Variants in ZAP70 observed in about 807,000 individuals in gnomAD.
ZAP70 encodes zeta chain of T cell receptor associated protein kinase 70, also known as tyrosine-protein kinase ZAP-70.
ZAP70 carries 27 observed loss-of-function variants against 65.8 expected under a neutral mutation model. That is an observed-to-expected ratio of 0.41 (90% CI 0.30 to 0.57). The LOEUF (loss-of-function observed/expected upper bound fraction) is 0.57. Ranked by LOEUF, ZAP70 falls within the 20% of genes least tolerant of loss-of-function variation. The pLI, the probability that ZAP70 is intolerant of heterozygous loss-of-function variation, is 0.28. For synonymous variants in ZAP70, 363 were observed against 360.8 expected, an observed-to-expected ratio of 1.01 and a Z score of -0.07; for missense variants, 696 against 870.5, an observed-to-expected ratio of 0.80 and a Z score of 2.52.
chr2:97,726,991 G>C (rs1219314025), intron 4 of ZAP70, among the ~76,000 whole-genome samples: 1 of 152,236 alleles, frequency 6.6e-6, no homozygotes, highest in Non-Finnish European at 1.5e-5. Context: ...GGCTGGGATG[G>C]CCACACTCAC....
chr2:97,740,138 G>A (rs1366635141), downstream of ZAP70, among the ~76,000 whole-genome samples: 1 of 152,060 alleles, frequency 6.6e-6, no homozygotes, highest in Non-Finnish European at 1.5e-5. Flanking sequence ...CCCATGCCAG[G>A]TGCACGTTAG....
intron 2 of ZAP70, among the ~76,000 whole-genome samples, chr2:97,717,952 G>C (rs1033787381): frequency 1.3e-5 from 2 of 152,214 alleles, no homozygotes; most frequent in African/African-American, 4.8e-5. Flanking sequence ...CAGGTGCCCC[G>C]TGGCTGCTCT....
rs1176202341 is a variant in ZAP70 at position 97,731,982 on chromosome 2, T to C, written c.564-901T>C. ...TTGTGCCAGTGACCCCAGACAAAAC[T>C]GTTGTGTGGGGGATGCTGACTGGTG... On this transcript the variant is annotated intron_variant, in intron 4 of 13. Transcript: ENST00000264972. The surrounding 1 kb of genome is among the most constrained non-coding windows in gnomAD (Gnocchi z 4.0). Among the ~76,000 whole-genome samples, 1 of 151,888 alleles carries C rather than the reference T, an allele frequency of 6.6e-6. No homozygotes were observed. Among genetic ancestry groups the C allele is most frequent in the Non-Finnish European group, 1.5e-5 (1 of 67,966 alleles).
At chr2:97,714,506 C>T (rs886976150) in intron 2 of ZAP70, among the ~76,000 whole-genome samples, 7 of 152,184 alleles carry the variant, frequency 4.6e-5, no homozygotes, top group Admixed American at 6.5e-5. Flanking sequence ...TGTGTGTTCT[C>T]GGCAAGTTGC....
chr2:97,737,747 C>T lies in ZAP70; in HGVS notation c.1483-10C>T, dbSNP rs777825759. 1.2e-6 allele frequency: 2 copies of T among 1,614,134 alleles called. No homozygotes were observed. Among genetic ancestry groups the T allele is most frequent in the Non-Finnish European group, 1.7e-6 (2 of 1,179,994 alleles). On this transcript the variant is annotated splice_polypyrimidine_tract_variant and intron_variant, in intron 11 of 13. Coordinates refer to ENST00000264972, the MANE Select transcript of ZAP70 (RefSeq NM_001079.4). The surrounding 1 kb of genome is among the most constrained non-coding windows in gnomAD (Gnocchi z 5.0). ...TGACCCCTGATCCAGCAGCATCTCC[C>T]CCTCCCCAGGCCCGCTCAGCAGGGA...
chr2:97,744,930 C>T, the ZAP70 span, among the ~76,000 whole-genome samples: 4 of 152,266 alleles, frequency 2.6e-5, no homozygotes, highest in Middle Eastern at 6.8e-3. Flanking sequence ...TTTTGGATTT[C>T]GCAGTGGATT....
intron 13 of ZAP70, 21 bp downstream of exon 13, chr2:97,738,128 G>C (rs1191536553): frequency 1.3e-6 from 2 of 1,573,032 alleles, no homozygotes; most frequent in South Asian, 1.2e-5. Context: ...GTGGGGAGGG[G>C]ACCCGGCTGG....
chr2:97,739,006 G>T (rs1678027964), intron 13 of ZAP70, among the ~76,000 whole-genome samples: 1 of 152,094 alleles, frequency 6.6e-6, no homozygotes. Flanking sequence ...CCAGCACACT[G>T]ATACCCTGGC....
At chr2:97,721,580 A>ATTTTTTTTTTGT in intron 2 of ZAP70, among the ~76,000 whole-genome samples, 1 of 81,164 alleles carries the variant, frequency 1.2e-5, no homozygotes. Context: ...TGGCTGGCTG[A>ATTTTTTTTTTGT]TTTTTTTTTT....
At chr2:97,747,208 G>A in the ZAP70 span, among the ~76,000 whole-genome samples, 5 of 152,168 alleles carry the variant, frequency 3.3e-5, no homozygotes, top group Non-Finnish European at 7.3e-5. Flanking sequence ...CCACTCCTGG[G>A]TAATACTCAA....
chr2:97,731,054 CAAAA>C lies in ZAP70; in HGVS notation c.564-1811_564-1808del, dbSNP rs56688476. 5.7e-5 allele frequency among the ~76,000 whole-genome samples: 3 copies of C among 52,390 alleles called. No individual in the cohort carries two copies. Among genetic ancestry groups the C allele is most frequent in the Admixed American group, 4.1e-4 (2 of 4,878 alleles). The allele number at this position is 52,390 out of a possible 152,430, so 34.4% of individuals were successfully genotyped here. A position where few individuals can be genotyped will look rare whatever the true frequency, so the allele number is the denominator to read the frequency against. ...CGGGCTGTGGAGCGAGACTCGGTCTCAAAAAAAAAAAAAAAAAAAAAGAGACAGA... is the reference window on the plus strand; with the variant it reads ...CGGGCTGTGGAGCGAGACTCGGTCTCAAAAAAAAAAAAAAAAAGAGACAGA... On this transcript the variant is annotated intron_variant, in intron 4 of 13. Coordinates refer to ENST00000264972, the MANE Select transcript of ZAP70 (RefSeq NM_001079.4). The surrounding 1 kb of genome is among the most constrained non-coding windows in gnomAD (Gnocchi z 4.0).
rs1677819900 is a variant in ZAP70 at position 97,735,254 on chromosome 2, C to G, written c.1087C>G (p.Gln363Glu). The G allele has an allele frequency of 1.9e-6, 3 of 1,613,850 alleles. No individual in the cohort carries two copies. The highest frequency in any genetic ancestry group is 2.5e-6 in the Non-Finnish European group (3 of 1,179,948). The part of the protein sequence containing the change: ...RQGVYRMRKK[Q>E]IDVAIKVLKQ... ...TCCCGTGGCCGGGTCGGGCAGGAAG[C>G]AGATCGACGTGGCCATCAAGGTGCT... The change falls in exon 10 of 14, where the codon CAG (glutamine) becomes GAG (glutamate). Residue 363 changes from glutamine (Q) to glutamate (E), a missense_variant. By Grantham distance (29) the Gln-to-Glu change is conservative. Around this residue, in one of 3 missense-constraint regions of ZAP70, gnomAD observed 551 missense variants for 630.0 expected, o/e 0.87. Transcript: ENST00000264972.
chr2:97,734,544 C>G lies in ZAP70; in HGVS notation c.914C>G (p.Pro305Arg), dbSNP rs762428344. 1 of 1,614,030 alleles carries G rather than the reference C, an allele frequency of 6.2e-7. No individual in the cohort carries two copies. Among genetic ancestry groups the G allele is most frequent in the East Asian group, 2.2e-5 (1 of 44,890 alleles). The change falls in exon 9 of 14, where the codon CCG becomes CGG. Residue 305 changes from proline to arginine, a missense_variant. Physicochemically the swap from Pro to Arg is moderately radical, Grantham distance 103. This residue lies in a region of ZAP70 where 551 missense variants were observed against 630.0 expected (regional missense o/e 0.87). Transcript: ENST00000264972. ...EPARITSPDKPRPMPMDTSVY... is the reference protein window; with the variant it reads ...EPARITSPDKRRPMPMDTSVY... ...GCACGCATAACGTCCCCAGACAAAC[C>G]GCGGCCGATGCCCATGGACACGAGC...
downstream of ZAP70, among the ~76,000 whole-genome samples, chr2:97,743,314 C>T (rs1297932811): frequency 2.0e-5 from 3 of 152,132 alleles, no homozygotes; most frequent in Non-Finnish European, 4.4e-5. Context: ...TTATATCTGC[C>T]TGCTTTTGTC....
In ZAP70 at chr2:97,739,677, C is replaced by A. The variant is rs1678066381; in HGVS notation, c.*179C>A. ...CTGCCTGGCCCCCTGTCCTCTCTGGCTGGGGAGCAGGGAGGTCCGGGAGGG... is the reference window on the plus strand; with the variant it reads ...CTGCCTGGCCCCCTGTCCTCTCTGGATGGGGAGCAGGGAGGTCCGGGAGGG... On this transcript the variant is annotated 3_prime_UTR_variant, in exon 14 of 14. Transcript: ENST00000264972. The A allele has an allele frequency of 4.8e-6, 5 of 1,050,232 alleles. No homozygotes were observed. Among genetic ancestry groups the A allele is most frequent in the Admixed American group, 2.4e-5 (1 of 40,824 alleles). 65.1% of individuals were successfully genotyped at this position (1,050,232 alleles called of 1,614,324 possible). A position where few individuals can be genotyped will look rare whatever the true frequency, so the allele number is the denominator to read the frequency against.
rs1049886137 is a variant in ZAP70 at position 97,737,032 on chromosome 2, C to T, written c.1290-441C>T. Among the ~76,000 whole-genome samples the T allele has an allele frequency of 4.6e-5, 7 of 151,940 alleles. No individual in the cohort carries two copies. Among genetic ancestry groups the T allele is most frequent in the Non-Finnish European group, 8.8e-5 (6 of 67,992 alleles). On this transcript the variant is annotated intron_variant, in intron 10 of 13. Coordinates refer to ENST00000264972, the MANE Select transcript of ZAP70 (RefSeq NM_001079.4). This position sits in a 1 kb window ranked among gnomAD's most constrained non-coding sequence, Gnocchi z 5.0. Reference sequence around the variant, plus strand: ...GTGGCAGAGGCAGAGATGAGGAGTGCGGTGGATTCTGGAGAGATTCTGACA... The same window carrying T: ...GTGGCAGAGGCAGAGATGAGGAGTGTGGTGGATTCTGGAGAGATTCTGACA...
rs1677616399 is a variant in ZAP70 at position 97,731,736 on chromosome 2, TAA to T, written c.564-1145_564-1144del. ...CTGAGAACAGTGCCTGGCCTGTCAG[TAA>T]AGACTTGTCCAGTGAATGAACATCC... On this transcript the variant is annotated intron_variant, in intron 4 of 13. Transcript: ENST00000264972. This position sits in a 1 kb window ranked among gnomAD's most constrained non-coding sequence, Gnocchi z 4.0. Among the ~76,000 whole-genome samples, 1 of 152,212 alleles carries T rather than the reference TAA, an allele frequency of 6.6e-6. No homozygotes were observed.
chr2:97,734,741 A>G, intron 9 of ZAP70, 29 bp downstream of exon 9: 1 of 1,611,234 alleles, frequency 6.2e-7, no homozygotes, highest in South Asian at 1.1e-5. Flanking sequence ...TGGTGGGAGC[A>G]CCGCCGCCTG....
At position 97,735,282 on chromosome 2, in the gene ZAP70, A is replaced by C. The variant is rs1573284622; in HGVS notation, c.1115A>C (p.Lys372Thr). Reference sequence around the variant, plus strand: ...ATCGACGTGGCCATCAAGGTGCTGAAGCAGGGCACGGAGAAGGCAGACACG... The same window carrying C: ...ATCGACGTGGCCATCAAGGTGCTGACGCAGGGCACGGAGAAGGCAGACACG... ...KQIDVAIKVL[K>T]QGTEKADTEE... The change falls in exon 10 of 14, where the codon AAG (lysine) becomes ACG (threonine). Residue 372 changes from lysine to threonine, a missense_variant. Around this residue, in one of 3 missense-constraint regions of ZAP70, gnomAD observed 551 missense variants for 630.0 expected, o/e 0.87. Transcript: ENST00000264972. 1 of 1,614,066 alleles carries C rather than the reference A, an allele frequency of 6.2e-7. No homozygotes were observed. Among genetic ancestry groups the C allele is most frequent in the Non-Finnish European group, 8.5e-7 (1 of 1,179,960 alleles).
Sources: gnomAD v4.1 joint callset for allele counts (sites outside exome capture counted in the v4.1 genomes callset) on GRCh38, gnomAD v4.1.1 for gene constraint, gnomAD v4.1.1 regional missense constraint, Gnocchi (gnomAD v3.1) non-coding constraint, MANE v1.5 for transcripts, NCBI Gene and HGNC (gene_info 2026-07-23, HGNC 2026-07-21) for gene names.